LRRC3B: variants seen among roughly 807,000 people sequenced by gnomAD.
The protein encoded by LRRC3B is leucine-rich repeat-containing protein 3B.
Under a neutral mutation model 12.8 loss-of-function variants are expected in LRRC3B, and 2 were observed. The ratio of observed to expected loss-of-function variants is 0.16; its 90% CI spans 0.06 to 0.49. The LOEUF (loss-of-function observed/expected upper bound fraction) is 0.49. LRRC3B is among the 20% of genes least tolerant of loss of function. LRRC3B has a pLI of 0.96. For missense variants in LRRC3B, 189 were observed against 319.4 expected (o/e 0.59, Z 3.11); for synonymous variants, 132 against 122.0 (o/e 1.08, Z -0.54).
At chr3:26,692,869 T>C (rs1700220032) in intron 1 of LRRC3B, among the ~76,000 whole-genome samples, 1 of 152,172 alleles carries the variant, frequency 6.6e-6, no homozygotes, top group African/African-American at 2.4e-5. Context: ...CAGCTGCAGA[T>C]CAAGTAGTTG....
intron 1 of LRRC3B, among the ~76,000 whole-genome samples, chr3:26,670,274 C>T (rs1329364209): frequency 6.6e-6 from 1 of 152,168 alleles, no homozygotes; most frequent in Non-Finnish European, 1.5e-5. Context: ...GAAGCAGTCT[C>T]CTAGAATACA....
chr3:26,682,620 A>G (rs1033346903), intron 1 of LRRC3B, among the ~76,000 whole-genome samples: 5 of 152,190 alleles, frequency 3.3e-5, no homozygotes, highest in Non-Finnish European at 1.5e-5. Context: ...AAGTGCCACC[A>G]GAAAGACAAT....
Position 26,679,835 on chromosome 3 carries a change from A to ACTAT in LRRC3B, c.-160-29675_-160-29672dup, listed in dbSNP as rs1416533962. On this transcript the variant is annotated intron_variant, in intron 1 of 1. Transcript: ENST00000396641. ...CTGGCATGTAGGAGGCTCATAAGAAACTATCTGTTAAATGAGCAAATAAAT... is the reference window on the plus strand; with the variant it reads ...CTGGCATGTAGGAGGCTCATAAGAAACTATCTATCTGTTAAATGAGCAAATAAAT... Among the ~76,000 whole-genome samples the ACTAT allele has an allele frequency of 4.6e-5, 7 of 152,246 alleles. No homozygotes were observed. The East Asian group carries it at 9.7e-4, about 21-fold the overall frequency.
chr3:26,658,649 A>G (rs1575134804), intron 1 of LRRC3B, among the ~76,000 whole-genome samples: 1 of 152,358 alleles, frequency 6.6e-6, no homozygotes, highest in East Asian at 1.9e-4. Context: ...TCTTTGACAA[A>G]GAGTAATAAC....
chr3:26,648,783 A>T (rs970560514), intron 1 of LRRC3B, among the ~76,000 whole-genome samples: 5 of 152,222 alleles, frequency 3.3e-5, no homozygotes, highest in Admixed American at 6.5e-5. Context: ...GTTTAATTTG[A>T]GTGCTTTGAA....
intron 1 of LRRC3B, among the ~76,000 whole-genome samples, chr3:26,664,012 C>A (rs1289894479): frequency 6.6e-6 from 1 of 152,112 alleles, no homozygotes; most frequent in Non-Finnish European, 1.5e-5. Context: ...CCAGCACATA[C>A]CTGTCACCCA....
intron 1 of LRRC3B, among the ~76,000 whole-genome samples, chr3:26,669,049 T>C (rs1469097375): frequency 6.6e-6 from 1 of 152,210 alleles, no homozygotes; most frequent in East Asian, 1.9e-4. Context: ...AACCACTAGG[T>C]AAACATGCAA....
chr3:26,638,799 G>A (rs372875691), intron 1 of LRRC3B, among the ~76,000 whole-genome samples: 1 of 152,092 alleles, frequency 6.6e-6, no homozygotes, highest in Admixed American at 6.6e-5. Flanking sequence ...ACTGTTTTGG[G>A]GTAGGTCTGG....
chr3:26,691,101 G>T (rs368016049), intron 1 of LRRC3B, among the ~76,000 whole-genome samples: 4 of 45,686 alleles, frequency 8.8e-5, no homozygotes, highest in Non-Finnish European at 1.7e-4. Context: ...ATGTGTGTGT[G>T]TGTGTATATA....
chr3:26,698,279 C>CA (rs1449319368), intron 1 of LRRC3B, among the ~76,000 whole-genome samples: 1 of 152,178 alleles, frequency 6.6e-6, no homozygotes, highest in African/African-American at 2.4e-5. Context: ...TTATTACCCT[C>CA]ATGTTCAGAT....
intron 1 of LRRC3B, among the ~76,000 whole-genome samples, chr3:26,708,646 A>AACTT (rs1262878286): frequency 6.6e-6 from 1 of 152,206 alleles, no homozygotes; most frequent in Non-Finnish European, 1.5e-5. Context: ...TAAGTTTCAT[A>AACTT]ACTTTGTTCA....
chr3:26,623,083 G>C (rs1363782054), exon 1 of LRRC3B: 3 of 152,156 alleles, frequency 2.0e-5, no homozygotes, highest in East Asian at 1.9e-4. Flanking sequence ...CCGCCGGGCC[G>C]GCCCGGTCCC....
chr3:26,639,293 C>T (rs879366937), intron 1 of LRRC3B, among the ~76,000 whole-genome samples: 2 of 151,884 alleles, frequency 1.3e-5, no homozygotes, highest in African/African-American at 2.4e-5. Context: ...ATTTTACAGA[C>T]TAAGTCTTTG....
chr3:26,636,575 G>C (rs1304740515), intron 1 of LRRC3B, among the ~76,000 whole-genome samples: 1 of 152,002 alleles, frequency 6.6e-6, no homozygotes, highest in East Asian at 1.9e-4. Flanking sequence ...AGTATGTATT[G>C]ACAATATTAA....
At chr3:26,699,640 A>G (rs1480789839) in intron 1 of LRRC3B, among the ~76,000 whole-genome samples, 1 of 152,186 alleles carries the variant, frequency 6.6e-6, no homozygotes, top group Non-Finnish European at 1.5e-5. Context: ...TGAATTCACC[A>G]TAAGTAAGGG....
At chr3:26,641,783 C>A (rs896604081) in intron 1 of LRRC3B, among the ~76,000 whole-genome samples, 1 of 151,434 alleles carries the variant, frequency 6.6e-6, no homozygotes, top group Non-Finnish European at 1.5e-5. Context: ...TTAAAAAAAT[C>A]AAATTTTTAA....
At chr3:26,631,210 A>G (rs1698750628) in intron 1 of LRRC3B, among the ~76,000 whole-genome samples, 2 of 152,158 alleles carry the variant, frequency 1.3e-5, no homozygotes, top group African/African-American at 2.4e-5. Flanking sequence ...CCCGATGAAC[A>G]TTCGCTTGTG....
intron 1 of LRRC3B, among the ~76,000 whole-genome samples, chr3:26,647,660 T>A (rs961498593): frequency 5.9e-5 from 9 of 152,228 alleles, no homozygotes; most frequent in African/African-American, 1.9e-4. Flanking sequence ...ATACGGCGTT[T>A]CTGACACATG....
chr3:26,646,333 T>C (rs1699142744), intron 1 of LRRC3B, among the ~76,000 whole-genome samples: 2 of 152,148 alleles, frequency 1.3e-5, no homozygotes, highest in Non-Finnish European at 2.9e-5. Context: ...TTTGAATTCA[T>C]GTAAAAGCAG....
Sources: allele counts gnomAD v4.1 joint callset (sites outside exome capture counted in the v4.1 genomes callset), GRCh38; gene constraint gnomAD v4.1.1; transcripts MANE v1.5; gene names NCBI Gene and HGNC (gene_info 2026-07-23, HGNC 2026-07-21).